The following SLC6A4 variants were observed in gnomAD, a reference collection of about 807,000 sequenced individuals.
SLC6A4 encodes the protein solute carrier family 6 member 4.
In SLC6A4, 22 loss-of-function variants were observed where a neutral mutation model predicts 73.4. The ratio of observed to expected loss-of-function variants is 0.30; its 90% CI spans 0.21 to 0.43. SLC6A4 has a LOEUF of 0.43. Ranked by LOEUF, SLC6A4 falls within the 20% of genes least tolerant of loss-of-function variation. The pLI, the probability that SLC6A4 is intolerant of heterozygous loss-of-function variation, is 1.00. For synonymous variants in SLC6A4, 270 were observed against 315.5 expected (o/e 0.86, Z 1.53); for missense variants, 593 against 808.5 (o/e 0.73, Z 3.23).
rs748605573 is a variant in SLC6A4, at chr17:30,211,454, G to A, written c.1205-30C>T. On this transcript the variant is annotated intron_variant, in intron 9 of 14. Transcript: ENST00000650711. This position sits in a 1 kb window ranked among gnomAD's most constrained non-coding sequence, Gnocchi z 4.0. ...GACAGAGGGGAGAGAGGAGGAGGTG[G>A]TTGACAAGACCTGTCCTACAAAGAT... 1 of 1,396,884 alleles carries A rather than the reference G, an allele frequency of 7.2e-7. No individual in the cohort carries two copies. The highest frequency in any genetic ancestry group is 1.0e-6 in the Non-Finnish European group (1 of 982,434). The allele number at this position is 1,396,884 out of a possible 1,614,324, so 86.5% of individuals were successfully genotyped here. A position where few individuals can be genotyped will look rare whatever the true frequency, so the allele number is the denominator to read the frequency against.
chr17:30,226,779 G>A (rs1320306898), intron 1 of SLC6A4, among the ~76,000 whole-genome samples: 2 of 151,508 alleles, frequency 1.3e-5, no homozygotes, highest in South Asian at 4.2e-4. Context: ...CTACTCAGAA[G>A]ACTGATGCAT....
intron 1 of SLC6A4, among the ~76,000 whole-genome samples, chr17:30,226,199 A>ATTAG (rs1906919471): frequency 6.6e-6 from 1 of 152,240 alleles, no homozygotes; most frequent in African/African-American, 2.4e-5. Flanking sequence ...TTGAGATAGG[A>ATTAG]TTAGTTACAG....
At chr17:30,200,205 G>T (rs557000978) in intron 14 of SLC6A4, among the ~76,000 whole-genome samples, 1 of 152,330 alleles carries the variant, frequency 6.6e-6, no homozygotes, top group East Asian at 1.9e-4. Flanking sequence ...ACCCACATGG[G>T]CTGCTGCCCT....
chr17:30,211,241 T>C lies in SLC6A4; in HGVS notation c.1317+71A>G, dbSNP rs530667796. The C allele has an allele frequency of 2.0e-5, 20 of 1,010,596 alleles. No homozygotes were observed. Among genetic ancestry groups the C allele is most frequent in the Non-Finnish European group, 2.8e-5 (18 of 651,958 alleles). The allele number at this position is 1,010,596 out of a possible 1,614,324, so 62.6% of individuals were successfully genotyped here. On this transcript the variant is annotated intron_variant, in intron 10 of 14. Coordinates refer to ENST00000650711, the MANE Select transcript of SLC6A4 (RefSeq NM_001045.6). This position sits in a 1 kb window ranked among gnomAD's most constrained non-coding sequence, Gnocchi z 4.0. The stretch of plus-strand genomic sequence containing the variant: ...GGGATGGCCAGGGATGGGAGGGAAT[T>C]GAGTCCAGCTGAGTCCTCCTCCTTT...
chr17:30,222,385 G>A (rs981298195), intron 2 of SLC6A4, among the ~76,000 whole-genome samples: 14 of 152,204 alleles, frequency 9.2e-5, no homozygotes, highest in South Asian at 2.1e-4. Flanking sequence ...TTCCCTTTGA[G>A]CCACTGGACT....
chr17:30,212,984 G>A (rs925808253), intron 8 of SLC6A4, 117 bp from the exon 9 acceptor site: 1 of 1,124,094 alleles, frequency 8.9e-7, no homozygotes, highest in Non-Finnish European at 1.3e-6. Context: ...GGACAAGCAG[G>A]CTGAACTCAA....
chr17:30,205,611 A>C (rs1197002962), intron 13 of SLC6A4, among the ~76,000 whole-genome samples: 2 of 152,222 alleles, frequency 1.3e-5, no homozygotes, highest in African/African-American at 2.4e-5. Context: ...TAAGGTCATA[A>C]GGAGCTCCGA....
chr17:30,200,686 C>T (rs2143013164), intron 14 of SLC6A4, among the ~76,000 whole-genome samples: 1 of 152,330 alleles, frequency 6.6e-6, no homozygotes, highest in East Asian at 1.9e-4. Flanking sequence ...TGGCAAAAAA[C>T]ACAGCATGCT....
chr17:30,228,041 A>T (rs1317776398), intron 1 of SLC6A4, among the ~76,000 whole-genome samples: 1 of 152,248 alleles, frequency 6.6e-6, no homozygotes, highest in Non-Finnish European at 1.5e-5. Context: ...AAATGAATTT[A>T]GCATAGCAGA....
chr17:30,218,052 A>T, intron 5 of SLC6A4, 66 bp downstream of exon 5: 2 of 1,338,664 alleles, frequency 1.5e-6, no homozygotes, highest in Non-Finnish European at 2.1e-6. Flanking sequence ...CCTTCTTTTT[A>T]AGAAGCCAAA....
rs754437405 is a variant in SLC6A4 at position 30,235,159 on chromosome 17, T to A, written c.-221+454A>T. On this transcript the variant is annotated intron_variant, in intron 1 of 14. Coordinates refer to ENST00000650711, the MANE Select transcript of SLC6A4 (RefSeq NM_001045.6). The surrounding 1 kb of genome is among the most constrained non-coding windows in gnomAD (Gnocchi z 4.5). ...AGATTTCTCTAGCTGTCTGGGCATT[T>A]GTGTCAACCAGAACTCTCCCTTTGC... Among the ~76,000 whole-genome samples the A allele has an allele frequency of 2.6e-4, 39 of 152,320 alleles. 1 individual carries two copies. The highest frequency in any genetic ancestry group is 3.4e-3 in the Middle Eastern group (1 of 294).
At chr17:30,228,005 T>C (rs559085013) in intron 1 of SLC6A4, among the ~76,000 whole-genome samples, 4 of 152,316 alleles carry the variant, frequency 2.6e-5, no homozygotes, top group Non-Finnish European at 5.9e-5. Context: ...GGATACTGGA[T>C]TATTTATTTT....
intron 13 of SLC6A4, chr17:30,206,130 C>T (rs986758490): frequency 2.0e-5 from 3 of 150,748 alleles, no homozygotes; most frequent in Non-Finnish European, 4.4e-5. Context: ...GGACACAGAA[C>T]AGCTGGATGC....
chr17:30,222,940 C>T (rs2020941), intron 1 of SLC6A4, 25 bp from the exon 2 acceptor site: 12,279 of 854,130 alleles, frequency 0.014, 132 homozygotes, highest in South Asian at 0.021. Flanking sequence ...GTGCAGGTTA[C>T]TGATGCTGGG....
intron 1 of SLC6A4, among the ~76,000 whole-genome samples, chr17:30,226,112 C>G (rs1266241304): frequency 6.6e-6 from 1 of 152,182 alleles, no homozygotes; most frequent in African/African-American, 2.4e-5. Context: ...GTGTCAAGAT[C>G]AAAGTGAGTT....
At chr17:30,200,572 A>G (rs1906001206) in intron 14 of SLC6A4, among the ~76,000 whole-genome samples, 2 of 151,350 alleles carry the variant, frequency 1.3e-5, no homozygotes, top group South Asian at 4.2e-4. Context: ...GCATATGGCC[A>G]GGGCCCAAAA....
At position 30,211,402 on chromosome 17, in the gene SLC6A4, C is replaced by G. The variant is rs746063003; in HGVS notation, c.1227G>C (p.Thr409=). The G allele has an allele frequency of 6.2e-7, 1 of 1,612,668 alleles. No homozygotes were observed. Among genetic ancestry groups the G allele is most frequent in the Non-Finnish European group, 8.5e-7 (1 of 1,178,764 alleles). The change falls in exon 10 of 15, where the codon ACG becomes ACC. Residue 409 remains threonine (T), a synonymous_variant. Coordinates refer to ENST00000650711, the MANE Select transcript of SLC6A4 (RefSeq NM_001045.6). This position sits in a 1 kb window ranked among gnomAD's most constrained non-coding sequence, Gnocchi z 4.0. ...KDAGPSLLFI[T]YAEAIANMPA... Reference sequence around the variant, plus strand: ...GCATGTTGGCTATCGCTTCTGCATACGTGATGAAGAGGAGGCTGGGACCTG... The same window carrying G: ...GCATGTTGGCTATCGCTTCTGCATAGGTGATGAAGAGGAGGCTGGGACCTG...
At chr17:30,200,205 G>A (rs557000978) in intron 14 of SLC6A4, among the ~76,000 whole-genome samples, 2 of 152,330 alleles carry the variant, frequency 1.3e-5, no homozygotes, top group South Asian at 4.1e-4. Flanking sequence ...ACCCACATGG[G>A]CTGCTGCCCT....
chr17:30,197,903 A>AT lies in SLC6A4; in HGVS notation c.*552dup, dbSNP rs1315295273. 6.5e-6 allele frequency: 1 copy of AT among 153,076 alleles called. No individual in the cohort carries two copies. The allele number at this position is 153,076 out of a possible 1,614,324, so 9.5% of individuals were successfully genotyped here. ...ACTCACAAGCTTGCATGGACACACTATTTTTCATTTTAGCTTCTTACATCT... is the reference window on the plus strand; with the variant it reads ...ACTCACAAGCTTGCATGGACACACTATTTTTTCATTTTAGCTTCTTACATCT... On this transcript the variant is annotated 3_prime_UTR_variant, in exon 15 of 15. Coordinates refer to ENST00000650711, the MANE Select transcript of SLC6A4 (RefSeq NM_001045.6).
Sources: allele counts gnomAD v4.1 joint callset (sites outside exome capture counted in the v4.1 genomes callset), GRCh38; gene constraint gnomAD v4.1.1; non-coding constraint Gnocchi (gnomAD v3.1); transcripts MANE v1.5; gene names NCBI Gene and HGNC (gene_info 2026-07-23, HGNC 2026-07-21).